KAT6B: variants seen among roughly 807,000 people sequenced by gnomAD.
The protein encoded by KAT6B is histone acetyltransferase KAT6B.
KAT6B carries 10 observed loss-of-function variants against 187.5 expected under a neutral mutation model. That is an observed-to-expected ratio of 0.05 (90% CI 0.03 to 0.09). The LOEUF is 0.09. KAT6B is among the 10% of genes least tolerant of loss of function. The pLI is 1.00. For synonymous variants in KAT6B, 861 were observed against 926.8 expected, an observed-to-expected ratio of 0.93 and a Z score of 1.29; for missense variants, 1,952 against 2,558.9, an observed-to-expected ratio of 0.76 and a Z score of 5.12.
chr10:74,876,725 C>T (rs1390932514), intron 3 of KAT6B, among the ~76,000 whole-genome samples: 22 of 151,818 alleles, frequency 1.4e-4, no homozygotes, highest in Admixed American at 1.4e-3. Flanking sequence ...ACCAGCCTGG[C>T]CAACATGGTG....
intron 3 of KAT6B, among the ~76,000 whole-genome samples, chr10:74,896,446 C>T (rs1432963714): frequency 1.3e-5 from 2 of 152,076 alleles, no homozygotes; most frequent in African/African-American, 2.4e-5. Flanking sequence ...CACGCCACCA[C>T]GCCCAGCTAA....
At position 74,886,568 on chromosome 10, in the gene KAT6B, C is replaced by T. The variant is rs555810190; in HGVS notation, c.621+43090C>T. Among the ~76,000 whole-genome samples, 7 of 152,316 alleles carry T rather than the reference C, an allele frequency of 4.6e-5. No individual in the cohort carries two copies. The South Asian group carries it at 1.2e-3, about 27-fold the overall frequency. ...GCTTCCTCTCCGCTCCCCCGTGCCC[C>T]ACATCTGGGAGGACCCCACCTGAGC... On this transcript the variant is annotated intron_variant, in intron 3 of 17. Coordinates refer to ENST00000287239, the MANE Select transcript of KAT6B (RefSeq NM_012330.4).
At chr10:74,833,744 T>G (rs1372260343) in intron 1 of KAT6B, among the ~76,000 whole-genome samples, 1 of 152,230 alleles carries the variant, frequency 6.6e-6, no homozygotes, top group African/African-American at 2.4e-5. Context: ...TAATATGTAT[T>G]AGTTGAAATG....
chr10:75,014,301 C>T (rs1844826484), intron 13 of KAT6B, among the ~76,000 whole-genome samples: 2 of 151,886 alleles, frequency 1.3e-5, no homozygotes, highest in Non-Finnish European at 1.5e-5. Flanking sequence ...ATAGGGAGAC[C>T]CTGTCTTCTT....
At chr10:74,835,578 A>G (rs1481871972) in intron 1 of KAT6B, among the ~76,000 whole-genome samples, 1 of 152,226 alleles carries the variant, frequency 6.6e-6, no homozygotes, top group Non-Finnish European at 1.5e-5. Flanking sequence ...CTGGAGAGAC[A>G]GAAAGAGTTT....
chr10:74,919,517 C>T (rs1847956820), intron 3 of KAT6B, among the ~76,000 whole-genome samples: 1 of 152,118 alleles, frequency 6.6e-6, no homozygotes, highest in Admixed American at 6.5e-5. Flanking sequence ...CCTCCCACCT[C>T]AGCCTCCCGA....
chr10:74,998,939 T>C (rs1047848677), intron 13 of KAT6B, among the ~76,000 whole-genome samples: 11 of 152,286 alleles, frequency 7.2e-5, no homozygotes, highest in African/African-American at 2.6e-4. Context: ...TAAAAAAAAT[T>C]ATCTGGGAAT....
chr10:75,029,745 C>T lies in KAT6B; in HGVS notation c.4921C>T (p.Leu1641=). The T allele has an allele frequency of 6.2e-7, 1 of 1,614,204 alleles. No individual in the cohort carries two copies. Residue 1641 remains leucine (L), a synonymous_variant, in exon 18 of 18, where the codon CTG becomes TTG. Transcript: ENST00000287239. This position sits in a 1 kb window ranked among gnomAD's most constrained non-coding sequence, Gnocchi z 6.2. ...PDQSAISVPS[L]QNMETSPMMD... Reference sequence around the variant, plus strand: ...TCAAAGTGCCATCTCAGTGCCATCTCTGCAGAACATGGAAACCAGTCCCAT... The same window carrying T: ...TCAAAGTGCCATCTCAGTGCCATCTTTGCAGAACATGGAAACCAGTCCCAT...
chr10:74,976,424 A>G, intron 8 of KAT6B, 94 bp downstream of exon 8: 7 of 1,005,934 alleles, frequency 7.0e-6, no homozygotes, highest in South Asian at 6.7e-5. Flanking sequence ...TATTTGTCAC[A>G]TAGGTCTTAG....
chr10:74,984,825 C>T (rs1193570055), intron 11 of KAT6B: 1 of 475,838 alleles, frequency 2.1e-6, no homozygotes, highest in Non-Finnish European at 3.8e-6. Context: ...AGTGGTTTGG[C>T]CCTTCTTTGG....
intron 7 of KAT6B, 118 bp downstream of exon 7, chr10:74,972,757 T>C (rs1217097098): frequency 1.1e-6 from 1 of 946,768 alleles, no homozygotes; most frequent in East Asian, 2.4e-5. Flanking sequence ...ACTCAAGGGT[T>C]GAAAAATACT....
intron 3 of KAT6B, among the ~76,000 whole-genome samples, chr10:74,888,379 A>G (rs1845433541): frequency 6.6e-6 from 1 of 152,262 alleles, no homozygotes; most frequent in Non-Finnish European, 1.5e-5. Context: ...TACAGAGTAT[A>G]TAAAGAAGCT....
Position 74,836,158 on chromosome 10 carries a change from T to C in KAT6B, c.-328-2525T>C, listed in dbSNP as rs375807187. ...GTAGCATGTATCGAAACTTCATTGCTTTTTATAGTTGTATAGTATTCTAGT... is the reference window on the plus strand; with the variant it reads ...GTAGCATGTATCGAAACTTCATTGCCTTTTATAGTTGTATAGTATTCTAGT... On this transcript the variant is annotated intron_variant, in intron 1 of 17. Transcript: ENST00000287239. 3.3e-5 allele frequency among the ~76,000 whole-genome samples: 5 copies of C among 152,242 alleles called. No homozygotes were observed. The South Asian group carries it at 1.0e-3, about 32-fold the overall frequency.
intron 16 of KAT6B, among the ~76,000 whole-genome samples, chr10:75,023,970 A>G (rs1437688788): frequency 2.0e-5 from 3 of 152,252 alleles, no homozygotes; most frequent in Non-Finnish European, 4.4e-5. Flanking sequence ...GGGGGGCAAC[A>G]ATTACATCTT....
At chr10:74,901,602 C>T (rs1846399971) in intron 3 of KAT6B, among the ~76,000 whole-genome samples, 1 of 152,088 alleles carries the variant, frequency 6.6e-6, no homozygotes, top group Non-Finnish European at 1.5e-5. Flanking sequence ...TTGAATTAAA[C>T]TCTGAGTGCT....
chr10:74,986,045 A>AAAAACAAAACAAAAC (rs952972609), intron 12 of KAT6B, among the ~76,000 whole-genome samples: 1 of 152,172 alleles, frequency 6.6e-6, no homozygotes, highest in South Asian at 2.1e-4. Flanking sequence ...ACTCCATCTC[A>AAAAACAAAACAAAAC]AAAACAAAAC....
chr10:74,924,663 A>C (rs1274592594), intron 3 of KAT6B, among the ~76,000 whole-genome samples: 1 of 152,226 alleles, frequency 6.6e-6, no homozygotes, highest in Non-Finnish European at 1.5e-5. Flanking sequence ...GTTACCATCA[A>C]AACAGCACTT....
Position 74,975,769 on chromosome 10 carries a change from G to A in KAT6B, c.1432G>A (p.Val478Met), listed in dbSNP as rs1842115464. Residue 478 changes from valine (V) to methionine (M), a missense_variant, in exon 8 of 18, where the codon GTG becomes ATG. Physicochemically the swap from Val to Met is conservative, Grantham distance 21 (BLOSUM62 1). Transcript: ENST00000287239. ...VSQKQSCTSH[V>M]LATGTTQKLK... ...TCAGAAACAGTCATGCACTTCTCAT[G>A]TGTTGGCTACAGGTACCACACAAAA... The A allele has an allele frequency of 1.9e-6, 3 of 1,614,202 alleles. No homozygotes were observed. Among genetic ancestry groups the A allele is most frequent in the East Asian group, 2.2e-5 (1 of 44,890 alleles).
At chr10:74,885,309 T>C (rs1845158211) in intron 3 of KAT6B, among the ~76,000 whole-genome samples, 1 of 152,098 alleles carries the variant, frequency 6.6e-6, no homozygotes, top group South Asian at 2.1e-4. Context: ...GGCCTCAGCC[T>C]CCCAAAGGAG....
Sources: allele counts gnomAD v4.1 joint callset (sites outside exome capture counted in the v4.1 genomes callset), GRCh38; gene constraint gnomAD v4.1.1; non-coding constraint Gnocchi (gnomAD v3.1); transcripts MANE v1.5; gene names NCBI Gene and HGNC (gene_info 2026-07-23, HGNC 2026-07-21).